CHAT: variants seen among roughly 807,000 people sequenced by gnomAD.
CHAT encodes acetyl CoA:choline O-acetyltransferase.
Under a neutral mutation model 76.9 loss-of-function variants are expected in CHAT, and 61 were observed. The observed-to-expected ratio is 0.79, with a 90% CI of 0.65 to 0.98. The LOEUF (loss-of-function observed/expected upper bound fraction) is 0.98. Among genes scored for constraint, CHAT ranks in the 50% least tolerant of loss-of-function variants. The probability of loss-of-function intolerance (pLI) is 0.00; values close to 1 mark genes in which losing one functional copy is unlikely to be tolerated. For synonymous variants in CHAT, 407 were observed against 397.4 expected, an observed-to-expected ratio of 1.02 and a Z score of -0.29; for missense variants, 946 against 986.9, an observed-to-expected ratio of 0.96 and a Z score of 0.56.
chr10:49,630,673 G>A (rs1190046168), intron 7 of CHAT, among the ~76,000 whole-genome samples: 1 of 152,182 alleles, frequency 6.6e-6, no homozygotes, highest in Non-Finnish European at 1.5e-5. Flanking sequence ...TGTATGGAAG[G>A]AATTTAGTAA....
rs149711635 is a variant in CHAT at position 49,616,529 on chromosome 10, G to T, written c.314G>T (p.Gly105Val). ...AGPHLCIPAP[G>V]LTKTPILEKV... Reference sequence around the variant, plus strand: ...CCACACCTCTGCATCCCTGCACCAGGACTCACCAAGACGCCCATCCTGGAA... The same window carrying T: ...CCACACCTCTGCATCCCTGCACCAGTACTCACCAAGACGCCCATCCTGGAA... The change falls in exon 2 of 15, where the codon GGA (glycine) becomes GTA (valine). Residue 105 changes from glycine (G) to valine (V), a missense_variant. Coordinates refer to ENST00000337653, the MANE Select transcript of CHAT (RefSeq NM_020549.5). 2.5e-6 allele frequency: 4 copies of T among 1,612,910 alleles called. No homozygotes were observed. In the South Asian group the frequency reaches 4.4e-5, roughly 18 times the overall value.
rs10580502 is a variant in CHAT, at chr10:49,648,726, T to TACACACACACACAC, written c.1382+138_1382+151dup. The stretch of plus-strand genomic sequence containing the variant: ...ATGAATTTGAAAAAAATGTGTACTA[T>TACACACACACACAC]ACACACACACACACACACACACACA... On this transcript the variant is annotated intron_variant, in intron 9 of 14. Transcript: ENST00000337653. 550 of 583,966 alleles carry TACACACACACACAC rather than the reference T, an allele frequency of 9.4e-4. 2 individuals are homozygous for TACACACACACACAC. The highest frequency in any genetic ancestry group is 9.3e-3 in the African/African-American group (492 of 53,162). The allele number at this position is 583,966 out of a possible 1,614,324, so 36.2% of individuals were successfully genotyped here. A position where few individuals can be genotyped will look rare whatever the true frequency, so the allele number is the denominator to read the frequency against.
chr10:49,609,674 G>A (rs1029462099), upstream of CHAT, among the ~76,000 whole-genome samples: 2 of 152,082 alleles, frequency 1.3e-5, no homozygotes, highest in African/African-American at 4.8e-5. Context: ...CTGCGGAGGG[G>A]CCGGTGGGTC....
At chr10:49,656,283 GTTTTTTTTTTTTTTTTTTT>G (rs566849400) in intron 13 of CHAT, among the ~76,000 whole-genome samples, 4 of 121,298 alleles carry the variant, frequency 3.3e-5, no homozygotes, top group African/African-American at 1.3e-4. Flanking sequence ...TATTCAGTGG[GTTTTTTTTTTTTTTTTTTT>G]TTTTTTTTGG....
intron 4 of CHAT, among the ~76,000 whole-genome samples, chr10:49,621,427 A>G (rs1287487221): frequency 6.6e-6 from 1 of 152,160 alleles, no homozygotes; most frequent in Non-Finnish European, 1.5e-5. Context: ...TCACAATTGC[A>G]TCTGAGGGGG....
chr10:49,613,857 A>T (rs77019048), upstream of CHAT, among the ~76,000 whole-genome samples: 6 of 152,172 alleles, frequency 3.9e-5, no homozygotes, highest in East Asian at 1.2e-3. Context: ...GTGAATATTG[A>T]TCCCAGTTAT....
chr10:49,660,502 T>C (rs1840160595), intron 13 of CHAT, among the ~76,000 whole-genome samples: 1 of 150,656 alleles, frequency 6.6e-6, no homozygotes, highest in East Asian at 1.9e-4. Flanking sequence ...TAGGTAAAAC[T>C]GAGAAATTCA....
chr10:49,666,405 A>G lies in CHAT; in HGVS notation c.*1359A>G, dbSNP rs1363960422. 6.6e-5 allele frequency among the ~76,000 whole-genome samples: 10 copies of G among 152,232 alleles called. No individual in the cohort carries two copies. The East Asian group carries it at 1.9e-3, about 29-fold the overall frequency. ...CCTATTAGAGCACATTTTTATGGGA[A>G]GTCTAAAGGGCAGAGGGAGGGAGTA... On this transcript the variant is annotated 3_prime_UTR_variant, in exon 15 of 15. Transcript: ENST00000337653.
chr10:49,622,040 G>A, intron 4 of CHAT, 57 bp from the exon 5 acceptor site: 1 of 1,544,904 alleles, frequency 6.5e-7, no homozygotes, highest in Middle Eastern at 1.7e-4. Context: ...AAGGGAGGGA[G>A]GGAGGGAGGA....
At chr10:49,646,720 CGA>C (rs780354638) in intron 8 of CHAT, 46 bp downstream of exon 8, 1 of 1,602,228 alleles carries the variant, frequency 6.2e-7, no homozygotes, top group Non-Finnish European at 8.5e-7. Flanking sequence ...ATGCCCCCAG[CGA>C]GAGAGTGAGT....
chr10:49,616,018 C>A (rs561809759), intron 1 of CHAT: 1 of 1,611,740 alleles, frequency 6.2e-7, no homozygotes, highest in Admixed American at 1.7e-5. Context: ...CCTCCACCAA[C>A]GGAGTGAGGG....
chr10:49,664,912 A>T lies in CHAT; in HGVS notation c.2113A>T (p.Ser705Cys), dbSNP rs1840305483. The T allele has an allele frequency of 6.2e-7, 1 of 1,614,140 alleles. No homozygotes were observed. Among genetic ancestry groups the T allele is most frequent in the Admixed American group, 1.7e-5 (1 of 60,012 alleles). ...TCACAGCTGCAAAGAGACTTCTTCTAGCAAGTTTGCAAAAGCTGTGGAAGA... is the reference window on the plus strand; with the variant it reads ...TCACAGCTGCAAAGAGACTTCTTCTTGCAAGTTTGCAAAAGCTGTGGAAGA... ...SFHSCKETSS[S>C]KFAKAVEESL... Residue 705 changes from serine (S) to cysteine (C), a missense_variant, in exon 15 of 15, where the codon AGC (serine) becomes TGC (cysteine). Ser to Cys is a moderately radical substitution (Grantham distance 112). Transcript: ENST00000337653.
At position 49,634,585 on chromosome 10, in the gene CHAT, T is replaced by C. The variant is rs1839234982; in HGVS notation, c.1111+6800T>C. Among the ~76,000 whole-genome samples, 3 of 152,380 alleles carry C rather than the reference T, an allele frequency of 2.0e-5. No homozygotes were observed. The South Asian group carries it at 6.2e-4, about 32-fold the overall frequency. On this transcript the variant is annotated intron_variant, in intron 7 of 14. Coordinates refer to ENST00000337653, the MANE Select transcript of CHAT (RefSeq NM_020549.5). ...CCCTCCACGTACCACTCTCTCTGTG[T>C]GCACACACACTGGGCTCCTCTCTTT...
upstream of CHAT, chr10:49,612,386 G>A (rs1425029275): frequency 1.3e-6 from 2 of 1,531,294 alleles, no homozygotes; most frequent in African/African-American, 1.4e-5. Flanking sequence ...GGGTCAAGGG[G>A]GCTGCTCTGC....
At chr10:49,657,479 T>C (rs1158121855) in intron 13 of CHAT, among the ~76,000 whole-genome samples, 1 of 152,004 alleles carries the variant, frequency 6.6e-6, no homozygotes, top group East Asian at 1.9e-4. Flanking sequence ...AGACCCTCAG[T>C]TCCTCTCTAC....
In CHAT at chr10:49,664,493, G is replaced by A. The variant is rs1840290504; in HGVS notation, c.1978-284G>A. Among the ~76,000 whole-genome samples, 8 of 152,312 alleles carry A rather than the reference G, an allele frequency of 5.3e-5. No homozygotes were observed. In the South Asian group the frequency reaches 1.4e-3, roughly 28 times the overall value. On this transcript the variant is annotated intron_variant, in intron 14 of 14. Coordinates refer to ENST00000337653, the MANE Select transcript of CHAT (RefSeq NM_020549.5). ...TCAAATGGCCCCCAGGTGAAGTGGAGACTCAGCCCAAGACCTAGCACCAGG... is the reference window on the plus strand; with the variant it reads ...TCAAATGGCCCCCAGGTGAAGTGGAAACTCAGCCCAAGACCTAGCACCAGG...
intron 6 of CHAT, among the ~76,000 whole-genome samples, chr10:49,626,128 G>A (rs1346710889): frequency 6.6e-6 from 1 of 152,170 alleles, no homozygotes; most frequent in African/African-American, 2.4e-5. Flanking sequence ...GACAGTTGAG[G>A]ACATGAGACT....
chr10:49,646,477 G>T, intron 7 of CHAT, 28 bp from the exon 8 acceptor site: 1 of 1,613,770 alleles, frequency 6.2e-7, no homozygotes, highest in Non-Finnish European at 8.5e-7. Context: ...CGGGACAGGT[G>T]CTAGGGCTGT....
At chr10:49,619,398 G>A (rs772794856) in intron 2 of CHAT, among the ~76,000 whole-genome samples, 1 of 152,196 alleles carries the variant, frequency 6.6e-6, no homozygotes, top group Non-Finnish European at 1.5e-5. Flanking sequence ...GGAAGAAACT[G>A]AGGCACAGAG....
Sources: gnomAD v4.1 joint callset for allele counts (sites outside exome capture counted in the v4.1 genomes callset) on GRCh38, gnomAD v4.1.1 for gene constraint, MANE v1.5 for transcripts, NCBI Gene and HGNC (gene_info 2026-07-23, HGNC 2026-07-21) for gene names.